Variants in PTPRK observed in about 807,000 individuals in gnomAD.
PTPRK encodes protein tyrosine phosphatase receptor type K.
In PTPRK, 75 loss-of-function variants were observed where a neutral mutation model predicts 178.0. The ratio of observed to expected loss-of-function variants is 0.42; its 90% confidence interval spans 0.35 to 0.51. The LOEUF (loss-of-function observed/expected upper bound fraction) is 0.51. PTPRK is among the 20% of genes least tolerant of loss of function. PTPRK has a pLI of 0.02. For missense variants in PTPRK, 1,441 were observed against 1,797.8 expected (o/e 0.80, Z 3.59); for synonymous variants, 637 against 620.6 (o/e 1.03, Z -0.39).
At chr6:128,445,783 T>C (rs1483976264) in intron 1 of PTPRK, among the ~76,000 whole-genome samples, 1 of 152,226 alleles carries the variant, frequency 6.6e-6, no homozygotes, top group African/African-American at 2.4e-5. Context: ...GACTGCTTAC[T>C]GTCATTGGTG....
intron 1 of PTPRK, among the ~76,000 whole-genome samples, chr6:128,411,448 GC>G (rs1324600664): frequency 6.6e-6 from 1 of 152,136 alleles, no homozygotes; most frequent in East Asian, 1.9e-4. Context: ...AGTAGGTGGG[GC>G]CTTAAAATTT....
chr6:128,049,340 C>A (rs980290143), intron 13 of PTPRK, among the ~76,000 whole-genome samples: 1 of 152,116 alleles, frequency 6.6e-6, no homozygotes, highest in East Asian at 1.9e-4. Flanking sequence ...AAACAGATTA[C>A]AATACTTGCA....
chr6:128,475,559 T>C (rs1851271999), intron 1 of PTPRK, among the ~76,000 whole-genome samples: 1 of 152,054 alleles, frequency 6.6e-6, no homozygotes, highest in Non-Finnish European at 1.5e-5. Context: ...AAGGAGACAG[T>C]GCAAGATTTG....
At chr6:128,021,818 T>A (rs1472711373) in intron 13 of PTPRK, among the ~76,000 whole-genome samples, 1 of 152,200 alleles carries the variant, frequency 6.6e-6, no homozygotes, top group African/African-American at 2.4e-5. Context: ...AAGTGACCAT[T>A]CACCAATGTA....
At chr6:128,067,258 C>T (rs1781952678) in intron 12 of PTPRK, among the ~76,000 whole-genome samples, 1 of 152,082 alleles carries the variant, frequency 6.6e-6, no homozygotes, top group Non-Finnish European at 1.5e-5. Context: ...ATTTTACTCT[C>T]AATTGCTATT....
chr6:128,034,492 C>G (rs1451580037), intron 13 of PTPRK, among the ~76,000 whole-genome samples: 1 of 152,078 alleles, frequency 6.6e-6, no homozygotes, highest in Non-Finnish European at 1.5e-5. Flanking sequence ...TTCATGCAGT[C>G]AGTACAAAAT....
At chr6:128,241,125 T>A (rs1562853891) in intron 4 of PTPRK, 1 of 439,248 alleles carries the variant, frequency 2.3e-6, no homozygotes, top group Admixed American at 2.8e-5. Context: ...GAACTTTAAA[T>A]GAGATGATTT....
At position 128,090,001 on chromosome 6, in the gene PTPRK, T is replaced by C. The variant is rs1786643396; in HGVS notation, c.1163-9A>G. ...TGGGGTTCTCATAGGTTCTGAAAAA[T>C]AAATCAGAGTTGTAGACAGCTGTCT... is the stretch of plus-strand genomic sequence containing the variant. On this transcript the variant is annotated splice_polypyrimidine_tract_variant and intron_variant, in intron 7 of 29. Transcript: ENST00000368226. 1.9e-6 allele frequency: 3 copies of C among 1,577,384 alleles called. No homozygotes were observed. Among genetic ancestry groups the C allele is most frequent in the Non-Finnish European group, 2.6e-6 (3 of 1,147,506 alleles).
intron 8 of PTPRK, among the ~76,000 whole-genome samples, chr6:128,088,988 G>A (rs1197598692): frequency 6.6e-6 from 1 of 152,154 alleles, no homozygotes; most frequent in Non-Finnish European, 1.5e-5. Context: ...TTGAGACGGA[G>A]TTTTGCTCTT....
chr6:128,154,441 G>C (rs1234002185), intron 7 of PTPRK, among the ~76,000 whole-genome samples: 1 of 151,624 alleles, frequency 6.6e-6, no homozygotes, highest in Non-Finnish European at 1.5e-5. Context: ...TAATGACAAA[G>C]AAGGTTTAAT....
At chr6:128,392,891 A>C (rs1839794907) in intron 2 of PTPRK, among the ~76,000 whole-genome samples, 1 of 152,002 alleles carries the variant, frequency 6.6e-6, no homozygotes, top group South Asian at 2.1e-4. Context: ...TTACATAAAA[A>C]TCTCAACTCA....
chr6:128,220,321 T>C (rs981639948), intron 5 of PTPRK, among the ~76,000 whole-genome samples: 18 of 152,154 alleles, frequency 1.2e-4, no homozygotes, highest in African/African-American at 3.1e-4. Context: ...AGAAAGTGTA[T>C]GTCTAACAAC....
intron 1 of PTPRK, among the ~76,000 whole-genome samples, chr6:128,443,302 G>A (rs1322328662): frequency 6.6e-6 from 1 of 152,012 alleles, no homozygotes; most frequent in Non-Finnish European, 1.5e-5. Flanking sequence ...CCTGGAGGAG[G>A]GAGACGTAAG....
At chr6:128,499,098 C>T (rs529777963) in intron 1 of PTPRK, among the ~76,000 whole-genome samples, 1 of 152,000 alleles carries the variant, frequency 6.6e-6, no homozygotes, top group Non-Finnish European at 1.5e-5. Flanking sequence ...ACAGGTATGT[C>T]CAAAGTACAT....
intron 1 of PTPRK, among the ~76,000 whole-genome samples, chr6:128,479,664 G>A (rs1851809382): frequency 2.0e-5 from 3 of 152,096 alleles, no homozygotes. Flanking sequence ...AGTATAGGTA[G>A]AATTTGAAAG....
chr6:127,995,581 C>T (rs1349441882), intron 17 of PTPRK, 43 bp from the exon 18 acceptor site: 2 of 1,265,756 alleles, frequency 1.6e-6, no homozygotes, highest in African/African-American at 3.0e-5. Context: ...AAATTTTCCC[C>T]CTGTTCTGAG....
At chr6:128,155,488 T>C (rs1436224618) in intron 7 of PTPRK, among the ~76,000 whole-genome samples, 3 of 151,600 alleles carry the variant, frequency 2.0e-5, no homozygotes, top group Non-Finnish European at 4.4e-5. Flanking sequence ...TCTTTCCCTA[T>C]AGGTTTCAGA....
At chr6:128,137,021 T>A (rs577873017) in intron 7 of PTPRK, among the ~76,000 whole-genome samples, 1 of 152,264 alleles carries the variant, frequency 6.6e-6, no homozygotes, top group South Asian at 2.1e-4. Context: ...ACCACTACCC[T>A]AGCCTCTTCC....
intron 7 of PTPRK, among the ~76,000 whole-genome samples, chr6:128,109,377 TATTC>T (rs1158608103): frequency 6.6e-6 from 1 of 152,208 alleles, no homozygotes; most frequent in African/African-American, 2.4e-5. Flanking sequence ...TTTTAAGTTG[TATTC>T]ATTATTTACA....
Sources: allele counts gnomAD v4.1 joint callset (sites outside exome capture counted in the v4.1 genomes callset), GRCh38; gene constraint gnomAD v4.1.1; transcripts MANE v1.5; gene names NCBI Gene and HGNC (gene_info 2026-07-23, HGNC 2026-07-21).